DHX35: variants seen among roughly 807,000 people sequenced by gnomAD.
DHX35 encodes probable ATP-dependent RNA helicase DHX35.
A neutral mutation model predicts 99.6 loss-of-function variants in DHX35; 84 were observed. The observed-to-expected ratio is 0.84, with a 90% CI of 0.71 to 1.01. The LOEUF (loss-of-function observed/expected upper bound fraction) is 1.01. Ranked by LOEUF, DHX35 falls within the 50% of genes least tolerant of loss-of-function variation. The pLI is 0.00. For synonymous variants in DHX35, 331 were observed against 316.2 expected (o/e 1.05, Z -0.50); for missense variants, 852 against 888.5 (o/e 0.96, Z 0.52).
At chr20:38,979,193 T>C (rs947286909) in intron 3 of DHX35, among the ~76,000 whole-genome samples, 5 of 152,204 alleles carry the variant, frequency 3.3e-5, no homozygotes, top group Non-Finnish European at 5.9e-5. Context: ...GATGCTAGTA[T>C]GTGAACATAA....
rs761823501 is a variant in DHX35 at position 38,983,751 on chromosome 20, A to G, written c.320A>G (p.Gln107Arg). 6.2e-7 allele frequency: 1 copy of G among 1,613,972 alleles called. No homozygotes were observed. Among genetic ancestry groups the G allele is most frequent in the African/African-American group, 1.3e-5 (1 of 74,922 alleles). The change falls in exon 4 of 22, where the codon CAG becomes CGG. Residue 107 changes from glutamine (Q) to arginine (R), a missense_variant. Physicochemically the swap from Gln to Arg is conservative, Grantham distance 43. Transcript: ENST00000252011. ...TAEGRVVGVT[Q>R]PRRVAAVTVA... is the part of the protein sequence containing the mutation. ...GAAGGAAGAGTGGTAGGAGTGACCC[A>G]GCCTCGAAGAGTGGCTGCTGTTACA...
rs142122723 is a variant in DHX35, at chr20:39,003,814, G to A, written c.918G>A (p.Met306Ile). Residue 306 changes from methionine to isoleucine, a missense_variant, in exon 11 of 22, where the codon ATG (methionine) becomes ATA (isoleucine). Transcript: ENST00000252011. ...EQARALARTGMKRHLRVLPMY... is the reference protein window; with the variant it reads ...EQARALARTGIKRHLRVLPMY... ...CTCGAGCACTAGCTCGCACTGGGAT[G>A]AAGAGACACCTCCGAGTTCTCCCCA... 10 of 1,614,098 alleles carry A rather than the reference G, an allele frequency of 6.2e-6. No individual in the cohort carries two copies. Among genetic ancestry groups the A allele is most frequent in the Non-Finnish European group, 3.4e-6 (4 of 1,180,040 alleles).
In DHX35 at chr20:39,018,898, A is replaced by T; in HGVS notation, c.1497A>T (p.Ser499=). 6.2e-7 allele frequency: 1 copy of T among 1,613,940 alleles called. No homozygotes were observed. The highest frequency in any genetic ancestry group is 2.2e-5 in the East Asian group (1 of 44,866). Reference sequence around the variant, plus strand: ...TGTTTGCCAAAATGCTGCTTGAATCAGGTGGGTAGAGCCTGATAGCTTGAA... The same window carrying T: ...TGTTTGCCAAAATGCTGCTTGAATCTGGTGGGTAGAGCCTGATAGCTTGAA... ...NPMFAKMLLE[S]GNFGCSQEIL... Residue 499 remains serine, a splice_region_variant and synonymous_variant, in exon 15 of 22, where the codon TCA becomes TCT. Transcript: ENST00000252011.
chr20:38,969,045 A>G, intron 1 of DHX35, 36 bp from the exon 2 acceptor site: 2 of 1,569,108 alleles, frequency 1.3e-6, no homozygotes, highest in Non-Finnish European at 1.7e-6. Flanking sequence ...TGTTCATTGT[A>G]TCAGAGAATC....
chr20:39,030,711 C>T lies in DHX35; in HGVS notation c.1891C>T (p.Arg631Cys), dbSNP rs759310787. ...FHSTGAYRTIRDDHELHIHPA... is the reference protein window; with the variant it reads ...FHSTGAYRTICDDHELHIHPA... Reference sequence around the variant, plus strand: ...ATTCTTCTATGTTCCAAGGACCATCCGTGATGACCATGAGCTGCACATACA... The same window carrying T: ...ATTCTTCTATGTTCCAAGGACCATCTGTGATGACCATGAGCTGCACATACA... Residue 631 changes from arginine to cysteine, a missense_variant, in exon 20 of 22, where the codon CGT (arginine) becomes TGT (cysteine). By Grantham distance (180) the Arg-to-Cys change is radical. Coordinates refer to ENST00000252011, the MANE Select transcript of DHX35 (RefSeq NM_021931.4). The T allele has an allele frequency of 2.3e-5, 37 of 1,613,898 alleles. No individual in the cohort carries two copies. The highest frequency in any genetic ancestry group is 5.5e-5 in the South Asian group (5 of 91,080).
At position 39,038,772 on chromosome 20, in the gene DHX35, G is replaced by A; in HGVS notation, c.*229G>A. 1.7e-6 allele frequency: 1 copy of A among 579,602 alleles called. No homozygotes were observed. Among genetic ancestry groups the A allele is most frequent in the African/African-American group, 1.9e-5 (1 of 53,462 alleles). 35.9% of individuals were successfully genotyped at this position (579,602 alleles called of 1,614,324 possible). A position where few individuals can be genotyped will look rare whatever the true frequency, so the allele number is the denominator to read the frequency against. On this transcript the variant is annotated 3_prime_UTR_variant, in exon 22 of 22. Coordinates refer to ENST00000252011, the MANE Select transcript of DHX35 (RefSeq NM_021931.4). ...TGGGCAGGCATCCTTCTGTGCTGCA[G>A]CGGGCAGAGTGGGAGTTGGCTCACT... is the stretch of plus-strand genomic sequence containing the variant.
intron 11 of DHX35, among the ~76,000 whole-genome samples, chr20:39,005,314 G>C (rs2086596847): frequency 6.6e-6 from 1 of 152,058 alleles, no homozygotes; most frequent in Non-Finnish European, 1.5e-5. Flanking sequence ...TTGCATATCT[G>C]CCTCCCTCTG....
At chr20:39,003,604 C>A in intron 10 of DHX35, 145 bp from the exon 11 acceptor site, 1 of 886,514 alleles carries the variant, frequency 1.1e-6, no homozygotes, top group Non-Finnish European at 1.7e-6. Flanking sequence ...AAATACCATC[C>A]CAGAGTGGAA....
intron 14 of DHX35, among the ~76,000 whole-genome samples, chr20:39,017,701 A>G (rs2086807863): frequency 6.6e-6 from 1 of 152,216 alleles, no homozygotes; most frequent in Non-Finnish European, 1.5e-5. Context: ...ATACCTGGAT[A>G]TTGGCAAGGT....
In DHX35 at chr20:39,010,437, A is replaced by G. The variant is rs1343377391; in HGVS notation, c.1347+33A>G. On this transcript the variant is annotated intron_variant, in intron 13 of 21. Coordinates refer to ENST00000252011, the MANE Select transcript of DHX35 (RefSeq NM_021931.4). ...CTGCCTGCTGTCTGGGGCCATAGGG[A>G]GGCTAGGGAGCTCACAGGGGGATGT... 3 of 1,610,218 alleles carry G rather than the reference A, an allele frequency of 1.9e-6. No individual in the cohort carries two copies. The African/African-American group carries it at 4.0e-5, about 21-fold the overall frequency.
intron 1 of DHX35, 136 bp from the exon 2 acceptor site, chr20:38,968,945 G>C: frequency 9.4e-7 from 1 of 1,060,182 alleles, no homozygotes; most frequent in Non-Finnish European, 1.3e-6. Context: ...TAAAGTTAAG[G>C]TTGAATACCT....
Position 39,018,791 on chromosome 20 carries a change from G to C in DHX35, c.1403-13G>C. On this transcript the variant is annotated splice_polypyrimidine_tract_variant and intron_variant, in intron 14 of 21. Coordinates refer to ENST00000252011, the MANE Select transcript of DHX35 (RefSeq NM_021931.4). ...TACCTGCCTTCTGATTTCTTTTGTT[G>C]TTCTTATGGCAGGTCTGGACAAAGA... is the stretch of plus-strand genomic sequence containing the variant. 6.2e-7 allele frequency: 1 copy of C among 1,612,764 alleles called. No individual in the cohort carries two copies. Among genetic ancestry groups the C allele is most frequent in the Non-Finnish European group, 8.5e-7 (1 of 1,179,194 alleles).
chr20:38,994,255 A>G (rs985285161), intron 7 of DHX35, among the ~76,000 whole-genome samples: 1 of 152,200 alleles, frequency 6.6e-6, no homozygotes, highest in African/African-American at 2.4e-5. Flanking sequence ...AGCCTTAAAA[A>G]AATAAATCCT....
chr20:39,006,103 A>G (rs145626566), intron 11 of DHX35, 43 bp from the exon 12 acceptor site: 153 of 1,589,806 alleles, frequency 9.6e-5, no homozygotes, highest in Non-Finnish European at 1.2e-4. Flanking sequence ...TAAAAGCAAA[A>G]AGAATAAAAT....
chr20:39,014,426 G>A (rs943215079), intron 13 of DHX35, among the ~76,000 whole-genome samples: 9 of 152,164 alleles, frequency 5.9e-5, no homozygotes, highest in South Asian at 2.1e-4. Context: ...CAAATTCAGC[G>A]TATGTTATTT....
intron 13 of DHX35, 43 bp from the exon 14 acceptor site, chr20:39,014,837 G>T (rs193096399): frequency 6.2e-7 from 1 of 1,611,390 alleles, no homozygotes. Flanking sequence ...AATGTTTGTT[G>T]CCCAAATAAA....
chr20:39,011,425 T>A (rs987657358), intron 13 of DHX35, among the ~76,000 whole-genome samples: 1 of 152,220 alleles, frequency 6.6e-6, no homozygotes, highest in African/African-American at 2.4e-5. Flanking sequence ...AACCTCTGCC[T>A]CCCAGGCTCA....
intron 1 of DHX35, among the ~76,000 whole-genome samples, 193 bp from the exon 2 acceptor site, chr20:38,968,888 T>A (rs568406140): frequency 1.0e-3 from 156 of 152,344 alleles, no homozygotes; most frequent in African/African-American, 3.5e-3. Flanking sequence ...GTGAAGCTTT[T>A]AGGGAAGATT....
intron 8 of DHX35, among the ~76,000 whole-genome samples, chr20:38,997,574 G>A (rs1438361284): frequency 3.3e-5 from 5 of 152,126 alleles, no homozygotes; most frequent in Non-Finnish European, 5.9e-5. Context: ...GGGACATGCT[G>A]GACCTCTGGT....
Sources: gnomAD v4.1 joint callset for allele counts (sites outside exome capture counted in the v4.1 genomes callset) on GRCh38, gnomAD v4.1.1 for gene constraint, MANE v1.5 for transcripts, NCBI Gene and HGNC (gene_info 2026-07-23, HGNC 2026-07-21) for gene names.